CPNE4: variants seen among roughly 807,000 people sequenced by gnomAD.
The protein encoded by CPNE4 is copine-4.
In CPNE4, 25 loss-of-function variants were observed where a neutral mutation model predicts 67.9. That is an observed-to-expected ratio of 0.37 (90% CI 0.27 to 0.51). The LOEUF (loss-of-function observed/expected upper bound fraction) is 0.51. CPNE4 is among the 20% of genes least tolerant of loss of function. The probability of loss-of-function intolerance (pLI) is 0.93; values close to 1 mark genes in which losing one functional copy is unlikely to be tolerated. For missense variants in CPNE4, 464 were observed against 690.8 expected (o/e 0.67, Z 3.68); for synonymous variants, 242 against 244.9 (o/e 0.99, Z 0.11).
chr3:131,860,823 G>T (rs941308656), intron 2 of CPNE4, among the ~76,000 whole-genome samples: 1 of 152,204 alleles, frequency 6.6e-6, no homozygotes, highest in Non-Finnish European at 1.5e-5. Context: ...GTACACAGAA[G>T]ATACTCACAA....
At chr3:131,958,609 C>T (rs868288123) in intron 1 of CPNE4, among the ~76,000 whole-genome samples, 25 of 96,000 alleles carry the variant, frequency 2.6e-4, no homozygotes, top group Non-Finnish European at 3.3e-4. Context: ...TCTTTCTTTT[C>T]TTTTTTTTTT....
At chr3:131,572,094 C>T (rs1249628487) in intron 10 of CPNE4, among the ~76,000 whole-genome samples, 1 of 152,000 alleles carries the variant, frequency 6.6e-6, no homozygotes, top group East Asian at 1.9e-4. Flanking sequence ...AGCAGCTTAG[C>T]AGCTGAGGAG....
rs117885426 is a variant in CPNE4, at chr3:131,833,528, T to C, written c.180+71736A>G. 3.0e-3 allele frequency among the ~76,000 whole-genome samples: 464 copies of C among 152,150 alleles called. 13 individuals carry two copies. The East Asian group carries it at 0.04, about 13-fold the overall frequency. ...TGGCAGCACAGTGAAACTCCACCTC[T>C]ACTAAAAAATACAAAAATTAGCTTG... On this transcript the variant is annotated intron_variant, in intron 2 of 15. Transcript: ENST00000429747.
chr3:131,886,164 C>T (rs972064877), intron 2 of CPNE4, among the ~76,000 whole-genome samples: 16 of 152,194 alleles, frequency 1.1e-4, no homozygotes, highest in Admixed American at 7.2e-4. Context: ...CAAGCTGAGC[C>T]GTGTGCAGCC....
intron 2 of CPNE4, among the ~76,000 whole-genome samples, chr3:131,803,377 A>G (rs954256409): frequency 6.6e-6 from 1 of 152,172 alleles, no homozygotes; most frequent in Admixed American, 6.5e-5. Context: ...CTACTCATTT[A>G]GTTTGTTATC....
At chr3:131,686,153 C>T (rs749064215) in intron 5 of CPNE4, among the ~76,000 whole-genome samples, 195 bp from the exon 6 acceptor site, 2 of 152,126 alleles carry the variant, frequency 1.3e-5, no homozygotes, top group East Asian at 1.9e-4. Flanking sequence ...TCATGAGCCC[C>T]ACCCTTTCTT....
chr3:131,982,115 T>C (rs2072923514), intron 1 of CPNE4, among the ~76,000 whole-genome samples: 1 of 152,190 alleles, frequency 6.6e-6, no homozygotes, highest in Non-Finnish European at 1.5e-5. Context: ...ACCTCTTCTT[T>C]TTATGTTTCT....
chr3:131,552,876 CA>C (rs1350048472), intron 12 of CPNE4, among the ~76,000 whole-genome samples: 2 of 151,894 alleles, frequency 1.3e-5, no homozygotes, highest in Non-Finnish European at 1.5e-5. Flanking sequence ...AAAATAAAAA[CA>C]AAAAAACTCA....
At chr3:131,609,903 T>G (rs1048856032) in intron 7 of CPNE4, among the ~76,000 whole-genome samples, 5 of 152,190 alleles carry the variant, frequency 3.3e-5, no homozygotes, top group Non-Finnish European at 1.5e-5. Flanking sequence ...TAAGAGCCCC[T>G]ACTGGACTGT....
intron 2 of CPNE4, among the ~76,000 whole-genome samples, chr3:131,790,152 A>C (rs1003732727): frequency 2.0e-5 from 3 of 152,144 alleles, no homozygotes; most frequent in Non-Finnish European, 4.4e-5. Context: ...TCATATATGC[A>C]CACTTTTGAA....
At chr3:131,552,993 G>A (rs1936265816) in intron 12 of CPNE4, among the ~76,000 whole-genome samples, 1 of 152,084 alleles carries the variant, frequency 6.6e-6, no homozygotes, top group South Asian at 2.1e-4. Flanking sequence ...AGGGCAGGAG[G>A]ATTTTCACAT....
chr3:131,777,733 T>A (rs1272359064), intron 2 of CPNE4, among the ~76,000 whole-genome samples: 1 of 152,108 alleles, frequency 6.6e-6, no homozygotes, highest in Non-Finnish European at 1.5e-5. Context: ...CAAAAGAATC[T>A]TAAGCTCCCC....
intron 1 of CPNE4, among the ~76,000 whole-genome samples, chr3:132,006,205 A>T (rs1482950058): frequency 6.6e-6 from 1 of 152,148 alleles, no homozygotes; most frequent in Non-Finnish European, 1.5e-5. Flanking sequence ...AAAATATATG[A>T]TATCATGGAA....
At chr3:131,859,830 G>A (rs1036676630) in intron 2 of CPNE4, among the ~76,000 whole-genome samples, 4 of 152,168 alleles carry the variant, frequency 2.6e-5, no homozygotes, top group African/African-American at 9.7e-5. Flanking sequence ...TCATATGTCA[G>A]ATTCTGTAGG....
intron 7 of CPNE4, among the ~76,000 whole-genome samples, chr3:131,593,567 C>T (rs1371815950): frequency 2.0e-5 from 3 of 152,078 alleles, no homozygotes; most frequent in East Asian, 3.8e-4. Flanking sequence ...AGTTTATTTT[C>T]GTGAAGCCGT....
intron 1 of CPNE4, among the ~76,000 whole-genome samples, chr3:131,917,610 T>C (rs1207478481): frequency 6.6e-6 from 1 of 152,136 alleles, no homozygotes; most frequent in Non-Finnish European, 1.5e-5. Flanking sequence ...TTCTTCAGTC[T>C]GAATACCAGG....
chr3:131,850,348 T>A (rs910932508), intron 2 of CPNE4, among the ~76,000 whole-genome samples: 4 of 152,044 alleles, frequency 2.6e-5, no homozygotes, highest in Admixed American at 2.6e-4. Flanking sequence ...TCGGAGTGTA[T>A]AAGAAAGCAG....
At chr3:131,557,925 G>A (rs1936551903) in intron 11 of CPNE4, among the ~76,000 whole-genome samples, 1 of 151,974 alleles carries the variant, frequency 6.6e-6, no homozygotes, top group African/African-American at 2.4e-5. Context: ...TCAAAATAGA[G>A]AAACTGGGAG....
chr3:131,729,868 G>C (rs545456646), intron 2 of CPNE4, among the ~76,000 whole-genome samples: 15 of 152,146 alleles, frequency 9.9e-5, no homozygotes, highest in Non-Finnish European at 1.9e-4. Flanking sequence ...TAACAACTTG[G>C]GTGGAAGCTG....
Sources: gnomAD v4.1 joint callset for allele counts (sites outside exome capture counted in the v4.1 genomes callset) on GRCh38, gnomAD v4.1.1 for gene constraint, MANE v1.5 for transcripts, NCBI Gene and HGNC (gene_info 2026-07-23, HGNC 2026-07-21) for gene names.